The following HADHA variants were observed in gnomAD, a reference collection of about 807,000 sequenced individuals.
HADHA encodes the protein hydroxyacyl-CoA dehydrogenase trifunctional multienzyme complex subunit alpha.
Under a neutral mutation model 91.3 loss-of-function variants are expected in HADHA, and 59 were observed. The ratio of observed to expected loss-of-function variants is 0.65; its 90% CI spans 0.52 to 0.80. The LOEUF is 0.80. Ranked by LOEUF, HADHA falls within the 30% of genes least tolerant of loss-of-function variation. HADHA has a pLI of 0.00. For synonymous variants in HADHA, 320 were observed against 338.9 expected, an observed-to-expected ratio of 0.94 and a Z score of 0.61; for missense variants, 800 against 927.6, an observed-to-expected ratio of 0.86 and a Z score of 1.79.
At chr2:26,222,170 G>A (rs947800427) in intron 7 of HADHA, among the ~76,000 whole-genome samples, 1 of 152,136 alleles carries the variant, frequency 6.6e-6, no homozygotes, top group African/African-American at 2.4e-5. Flanking sequence ...GAAAAAATTT[G>A]GAAACACAAA....
At chr2:26,208,822 T>C (rs548004857) in intron 11 of HADHA, among the ~76,000 whole-genome samples, 71 of 152,324 alleles carry the variant, frequency 4.7e-4, no homozygotes, top group African/African-American at 1.6e-3. Context: ...AGTCACTAAA[T>C]GTTTGAGAGA....
intron 12 of HADHA, among the ~76,000 whole-genome samples, chr2:26,201,705 A>G (rs941708063): frequency 6.6e-6 from 1 of 152,266 alleles, no homozygotes; most frequent in Non-Finnish European, 1.5e-5. Context: ...TGACAGGGGA[A>G]GCAGCCAAAG....
At chr2:26,203,436 T>C (rs1178954219) in intron 12 of HADHA, among the ~76,000 whole-genome samples, 2 of 152,180 alleles carry the variant, frequency 1.3e-5, no homozygotes, top group Non-Finnish European at 2.9e-5. Context: ...TGTGTGATGG[T>C]GAGAGAGGCA....
intron 13 of HADHA, among the ~76,000 whole-genome samples, chr2:26,200,494 T>G (rs1195184416): frequency 1.3e-5 from 2 of 152,206 alleles, no homozygotes; most frequent in African/African-American, 4.8e-5. Flanking sequence ...CGAACTGTCT[T>G]CCCTATTTCC....
chr2:26,202,716 C>T (rs192756891), intron 12 of HADHA, among the ~76,000 whole-genome samples: 42 of 152,236 alleles, frequency 2.8e-4, no homozygotes, highest in African/African-American at 1.0e-3. Flanking sequence ...GCTCTAGCCT[C>T]GGTAATAGAG....
chr2:26,231,366 A>G (rs991155596), intron 6 of HADHA, among the ~76,000 whole-genome samples: 15 of 152,200 alleles, frequency 9.9e-5, no homozygotes, highest in Admixed American at 1.3e-4. Flanking sequence ...TTGAGTTGAC[A>G]TTAAGATTGC....
At chr2:26,215,478 T>A (rs938614426) in intron 7 of HADHA, among the ~76,000 whole-genome samples, 1 of 152,194 alleles carries the variant, frequency 6.6e-6, no homozygotes, top group Admixed American at 6.5e-5. Flanking sequence ...GCAACCTGCA[T>A]TCTTGCTGCA....
intron 6 of HADHA, 92 bp downstream of exon 6, chr2:26,232,067 TA>T: frequency 1.1e-6 from 1 of 924,310 alleles, no homozygotes; most frequent in Non-Finnish European, 1.8e-6. Flanking sequence ...TTTGGTTTTT[TA>T]ATTCTACAAT....
At chr2:26,243,242 T>C (rs980230107) in intron 1 of HADHA, 2 of 152,158 alleles carry the variant, frequency 1.3e-5, no homozygotes, top group Non-Finnish European at 2.9e-5. Context: ...TGCCGATCCA[T>C]AAGAAATACC....
chr2:26,191,020 A>G lies in HADHA; in HGVS notation c.*230T>C. On this transcript the variant is annotated 3_prime_UTR_variant, in exon 20 of 20. Transcript: ENST00000380649. ...TGCCACTCTAGGCCTCGGGGCTTAT[A>G]CAATGAGCAGTGGGCTCTACCTTCC... is the stretch of plus-strand genomic sequence containing the variant. 1.6e-6 allele frequency: 1 copy of G among 609,740 alleles called. No homozygotes were observed. The allele number at this position is 609,740 out of a possible 1,614,324, so 37.8% of individuals were successfully genotyped here.
At chr2:26,198,934 G>A (rs867718240) in intron 13 of HADHA, among the ~76,000 whole-genome samples, 4 of 147,600 alleles carry the variant, frequency 2.7e-5, no homozygotes, top group East Asian at 4.0e-4. Context: ...TTGCTTTTTC[G>A]CCCAGGCTAG....
intron 7 of HADHA, among the ~76,000 whole-genome samples, chr2:26,224,852 T>C (rs1324113979): frequency 6.6e-6 from 1 of 152,196 alleles, no homozygotes; most frequent in Non-Finnish European, 1.5e-5. Context: ...GAAGGTATTT[T>C]ATAAGTGATT....
chr2:26,234,986 CA>C (rs1670712428), intron 4 of HADHA: 1 of 152,286 alleles, frequency 6.6e-6, no homozygotes, highest in South Asian at 2.1e-4. Context: ...AAATCTAAAA[CA>C]TTTTAACAGA....
At chr2:26,194,516 A>T (rs1669605709) in intron 16 of HADHA, 54 bp downstream of exon 16, 1 of 1,047,144 alleles carries the variant, frequency 9.5e-7, no homozygotes, top group Non-Finnish European at 1.5e-6. Context: ...CATGAGTTTT[A>T]GAGTGACTGA....
intron 16 of HADHA, among the ~76,000 whole-genome samples, 169 bp downstream of exon 16, chr2:26,194,401 T>G (rs760190610): frequency 6.6e-6 from 1 of 152,136 alleles, no homozygotes; most frequent in Non-Finnish European, 1.5e-5. Context: ...CAGTGCAGTA[T>G]AAGCCCAACT....
chr2:26,208,842 G>A (rs1015779491), intron 11 of HADHA, among the ~76,000 whole-genome samples: 2 of 152,150 alleles, frequency 1.3e-5, no homozygotes, highest in Non-Finnish European at 2.9e-5. Flanking sequence ...AAGCAGTTAA[G>A]GTTGTATTTC....
rs13385152 is a variant in HADHA at position 26,197,916 on chromosome 2, A to C, written c.1393-139T>G. 3,598 of 713,608 alleles carry C rather than the reference A, an allele frequency of 5.0e-3. 83 individuals carry two copies. In the African/African-American group the frequency reaches 0.055, roughly 11 times the overall value. The allele number at this position is 713,608 out of a possible 1,614,324, so 44.2% of individuals were successfully genotyped here. A position where few individuals can be genotyped will look rare whatever the true frequency, so the allele number is the denominator to read the frequency against. ...CTCAGACAGTAGATGTCACTCACCCAGACATTGACGGATCACCTAGGGGGT... is the reference window on the plus strand; with the variant it reads ...CTCAGACAGTAGATGTCACTCACCCCGACATTGACGGATCACCTAGGGGGT... On this transcript the variant is annotated intron_variant, in intron 13 of 19. Coordinates refer to ENST00000380649, the MANE Select transcript of HADHA (RefSeq NM_000182.5).
chr2:26,195,162 G>T lies in HADHA; in HGVS notation c.1550C>A (p.Thr517Asn). 6.2e-7 allele frequency: 1 copy of T among 1,612,214 alleles called. No individual in the cohort carries two copies. Among genetic ancestry groups the T allele is most frequent in the Non-Finnish European group, 8.5e-7 (1 of 1,178,362 alleles). ...QLLEIITTEK[T>N]SKDTSASAVA... ...AGCTGAAGCACTGGTGTCTTTGGAA[G>T]TTTTCTCGGTCGTGATAATCTCCAG... The change falls in exon 15 of 20, where the codon ACT becomes AAT. Residue 517 changes from threonine to asparagine, a missense_variant. By Grantham distance (65) the Thr-to-Asn change is moderately conservative (BLOSUM62 0). Transcript: ENST00000380649.
At chr2:26,197,544 G>A in intron 14 of HADHA, 147 bp downstream of exon 14, 6 of 688,018 alleles carry the variant, frequency 8.7e-6, no homozygotes, top group South Asian at 5.9e-5. Context: ...CACTAGTCAT[G>A]GTATTAGCAT....
Sources: gnomAD v4.1 joint callset for allele counts (sites outside exome capture counted in the v4.1 genomes callset) on GRCh38, gnomAD v4.1.1 for gene constraint, MANE v1.5 for transcripts, NCBI Gene and HGNC (gene_info 2026-07-23, HGNC 2026-07-21) for gene names.